The following DTX2 variants were observed in gnomAD, a reference collection of about 807,000 sequenced individuals.
The protein encoded by DTX2 is probable E3 ubiquitin-protein ligase DTX2.
DTX2 carries 29 observed loss-of-function variants against 55.3 expected under a neutral mutation model. That is an observed-to-expected ratio of 0.52 (90% CI 0.39 to 0.71). The LOEUF is 0.71. Ranked by LOEUF, DTX2 falls within the 30% of genes least tolerant of loss-of-function variation. The pLI is 0.00. For missense variants in DTX2, 537 were observed against 822.5 expected, an observed-to-expected ratio of 0.65 and a Z score of 4.25; for synonymous variants, 276 against 340.4, an observed-to-expected ratio of 0.81 and a Z score of 2.08.
At position 76,505,428 on chromosome 7, in the gene DTX2, A is replaced by G; in HGVS notation, c.1696A>G (p.Thr566Ala). Residue 566 changes from threonine (T) to alanine (A), a missense_variant, in exon 11 of 11, where the codon ACG becomes GCG. Physicochemically the swap from Thr to Ala is moderately conservative, Grantham distance 58. Around this residue, in one of 7 missense-constraint regions of DTX2, gnomAD observed 33 missense variants for 48.4 expected, o/e 0.68. Transcript: ENST00000430490. This position sits in a 1 kb window ranked among gnomAD's most constrained non-coding sequence, Gnocchi z 4.4. The part of the protein sequence containing the change: ...WKRRLIFTVG[T>A]SSTTGETDTV... The stretch of plus-strand genomic sequence containing the variant: ...GAGGCGGCTCATCTTCACAGTGGGC[A>G]CGTCCAGCACCACGGGTGAGACGGA... 1 of 1,600,506 alleles carries G rather than the reference A, an allele frequency of 6.2e-7. No individual in the cohort carries two copies. The highest frequency in any genetic ancestry group is 8.5e-7 in the Non-Finnish European group (1 of 1,173,862).
At chr7:76,494,229 T>G (rs1810684411) in intron 5 of DTX2, among the ~76,000 whole-genome samples, 1 of 84,794 alleles carries the variant, frequency 1.2e-5, no homozygotes, top group Non-Finnish European at 2.4e-5. Context: ...GAAGAGAAAA[T>G]GAAGGAGCGG....
At position 76,502,222 on chromosome 7, in the gene DTX2, G is replaced by A. The variant is rs554098349; in HGVS notation, c.1231-76G>A. 37 of 1,456,160 alleles carry A rather than the reference G, an allele frequency of 2.5e-5. No individual in the cohort carries two copies. The South Asian group carries it at 4.4e-4, about 17-fold the overall frequency. 90.2% of individuals were successfully genotyped at this position (1,456,160 alleles called of 1,614,324 possible). A position where few individuals can be genotyped will look rare whatever the true frequency, so the allele number is the denominator to read the frequency against. On this transcript the variant is annotated intron_variant, in intron 7 of 10. Transcript: ENST00000430490. ...ACTTCCAGCATTTCAGCACATGAAA[G>A]CCTCTTTTTCCAAGACTGGCCCACG...
In DTX2 at chr7:76,503,469, A is replaced by G. The variant is rs768926968; in HGVS notation, c.1433A>G (p.Glu478Gly). Reference sequence around the variant, plus strand: ...CCCTCCTGCAAAACCATCTATGGAGAGAAGACGGGGACCCAGCCCCAGGGA... The same window carrying G: ...CCCTCCTGCAAAACCATCTATGGAGGGAAGACGGGGACCCAGCCCCAGGGA... ...QCPSCKTIYGEKTGTQPQGKM... is the reference protein window; with the variant it reads ...QCPSCKTIYGGKTGTQPQGKM... Residue 478 changes from glutamate (E) to glycine (G), a missense_variant, in exon 9 of 11, where the codon GAG becomes GGG. By Grantham distance (98) the Glu-to-Gly change is moderately conservative. Transcript: ENST00000430490. 3 of 1,612,958 alleles carry G rather than the reference A, an allele frequency of 1.9e-6. No individual in the cohort carries two copies. The highest frequency in any genetic ancestry group is 2.5e-6 in the Non-Finnish European group (3 of 1,179,934).
chr7:76,476,400 C>T (rs1271897477), intron 2 of DTX2, among the ~76,000 whole-genome samples: 1 of 145,444 alleles, frequency 6.9e-6, no homozygotes, highest in East Asian at 2.1e-4. Context: ...TGCCTGTGCC[C>T]CTGGAGCAGA....
chr7:76,483,185 T>C, intron 4 of DTX2, 38 bp downstream of exon 4: 23 of 1,597,854 alleles, frequency 1.4e-5, no homozygotes, highest in Non-Finnish European at 1.8e-5. Flanking sequence ...GTCTGCCCTG[T>C]GTTTCCGCTC....
rs769574745 is a variant in DTX2, at chr7:76,480,569, C to T, written c.60C>T (p.Ala20=). 9 of 1,612,626 alleles carry T rather than the reference C, an allele frequency of 5.6e-6. No homozygotes were observed. The highest frequency in any genetic ancestry group is 2.2e-5 in the South Asian group (2 of 91,008). The change falls in exon 3 of 11, where the codon GCC becomes GCT. Residue 20 remains alanine (A), a synonymous_variant. Coordinates refer to ENST00000430490, the MANE Select transcript of DTX2 (RefSeq NM_001102594.3). ...VQVYTSPAAV[A]VWEWQDGLGT... is the part of the protein sequence containing the mutation. ...TGTACACCAGCCCCGCGGCTGTGGC[C>T]GTGTGGGAATGGCAGGACGGGCTGG...
rs6958774 is a variant in DTX2, at chr7:76,502,333, G to A, written c.1266G>A (p.Ala422=). The A allele has an allele frequency of 0.38, 582,488 of 1,539,280 alleles. 118,199 individuals are homozygous for A. Among genetic ancestry groups the A allele is most frequent in the East Asian group, 0.44 (19,545 of 44,430 alleles). ...TCTGCATGGAGAAGCTGTCCACAGC[G>A]TCTGGATACAGCGATGTGACTGACA... The part of the protein sequence containing the change: ...CIICMEKLST[A]SGYSDVTDSK... Residue 422 remains alanine, a synonymous_variant, in exon 8 of 11, where the codon GCG becomes GCA. Transcript: ENST00000430490.
At chr7:76,475,617 G>A (rs1160032923) in intron 2 of DTX2, among the ~76,000 whole-genome samples, 2 of 151,360 alleles carry the variant, frequency 1.3e-5, no homozygotes, top group Non-Finnish European at 2.9e-5. Context: ...AACCCGGGAG[G>A]CGGAGGTTGC....
At chr7:76,491,957 G>A in intron 4 of DTX2, 196 bp from the exon 5 acceptor site, 1 of 585,306 alleles carries the variant, frequency 1.7e-6, no homozygotes, top group Non-Finnish European at 3.1e-6. Context: ...TTACCGGTGT[G>A]AGCCACCACA....
chr7:76,464,316 T>G (rs373138655), intron 2 of DTX2, among the ~76,000 whole-genome samples: 90 of 149,786 alleles, frequency 6.0e-4, no homozygotes, highest in African/African-American at 2.1e-3. Context: ...GTAAGTAGCT[T>G]AGTATGTAAT....
chr7:76,503,393 G>A (rs1260692722), intron 8 of DTX2, 33 bp from the exon 9 acceptor site: 12 of 1,602,850 alleles, frequency 7.5e-6, no homozygotes, highest in Non-Finnish European at 8.5e-6. Context: ...TTCTCAGACT[G>A]CCAGCTCAGT....
rs190310682 is a variant in DTX2 at position 76,475,259 on chromosome 7, C to T, written c.-89-5162C>T. Among the ~76,000 whole-genome samples, 724 of 151,648 alleles carry T rather than the reference C, an allele frequency of 4.8e-3. 5 individuals carry two copies. The highest frequency in any genetic ancestry group is 0.016 in the African/African-American group (664 of 41,322). On this transcript the variant is annotated intron_variant, in intron 2 of 10. Transcript: ENST00000430490. ...CCGGGAGGCGGAGGTTGCAGTGAGC[C>T]GAGATCACGCCATTGCACTCCAGCC...
At chr7:76,472,018 G>A (rs1362106771) in intron 2 of DTX2, 1 of 148,364 alleles carries the variant, frequency 6.7e-6, no homozygotes, top group Non-Finnish European at 1.5e-5. Flanking sequence ...CTAGTTTCGT[G>A]CCATCTTCCA....
At chr7:76,495,157 A>G (rs1184443489) in intron 5 of DTX2, among the ~76,000 whole-genome samples, 1 of 143,574 alleles carries the variant, frequency 7.0e-6, no homozygotes, top group Non-Finnish European at 1.5e-5. Context: ...GCAGCGGTCC[A>G]TCCACAGCTC....
chr7:76,483,186 G>A lies in DTX2; in HGVS notation c.908+39G>A, dbSNP rs374758181. 105 of 1,596,398 alleles carry A rather than the reference G, an allele frequency of 6.6e-5. No individual in the cohort carries two copies. In the African/African-American group the frequency reaches 1.1e-3, roughly 17 times the overall value. ...CGGCCGCTCGTTTTGTCTGCCCTGTGTTTCCGCTCTTAGCCGGGAAGACTC... is the reference window on the plus strand; with the variant it reads ...CGGCCGCTCGTTTTGTCTGCCCTGTATTTCCGCTCTTAGCCGGGAAGACTC... On this transcript the variant is annotated intron_variant, in intron 4 of 10. Coordinates refer to ENST00000430490, the MANE Select transcript of DTX2 (RefSeq NM_001102594.3).
chr7:76,505,834 T>C lies in DTX2; in HGVS notation c.*233T>C, dbSNP rs1367457003. ...GGGGCTTAGGATGCAGCTACCTCAG[T>C]GCGCAGGGCCCGTCTGTCCTCTGGG... On this transcript the variant is annotated 3_prime_UTR_variant, in exon 11 of 11. Transcript: ENST00000430490. The surrounding 1 kb of genome is among the most constrained non-coding windows in gnomAD (Gnocchi z 4.4). The C allele has an allele frequency of 9.9e-6, 6 of 604,012 alleles. No homozygotes were observed. Among genetic ancestry groups the C allele is most frequent in the African/African-American group, 9.3e-5 (5 of 53,922 alleles). 37.4% of individuals were successfully genotyped at this position (604,012 alleles called of 1,614,324 possible). A position where few individuals can be genotyped will look rare whatever the true frequency, so the allele number is the denominator to read the frequency against.
At chr7:76,491,090 G>A (rs1202510383) in intron 4 of DTX2, among the ~76,000 whole-genome samples, 19 of 137,270 alleles carry the variant, frequency 1.4e-4, no homozygotes, top group Non-Finnish European at 2.8e-4. Flanking sequence ...TCTGCTGCCC[G>A]AGGTTCAAGT....
At chr7:76,468,954 G>A (rs1267470885) in intron 2 of DTX2, among the ~76,000 whole-genome samples, 1 of 105,012 alleles carries the variant, frequency 9.5e-6, no homozygotes, top group African/African-American at 3.8e-5. Context: ...TGGTAGATAC[G>A]GGGTTTCACT....
intron 5 of DTX2, among the ~76,000 whole-genome samples, chr7:76,493,639 A>G: frequency 1.2e-5 from 1 of 84,880 alleles, no homozygotes; most frequent in African/African-American, 6.3e-5. Context: ...GTTTTAGGGG[A>G]GTTGCTGTCA....
Sources: gnomAD v4.1 joint callset for allele counts (sites outside exome capture counted in the v4.1 genomes callset) on GRCh38, gnomAD v4.1.1 for gene constraint, gnomAD v4.1.1 regional missense constraint, Gnocchi (gnomAD v3.1) non-coding constraint, MANE v1.5 for transcripts, NCBI Gene and HGNC (gene_info 2026-07-23, HGNC 2026-07-21) for gene names.